Variants in IL18RAP observed in about 807,000 individuals in gnomAD.
IL18RAP encodes the protein interleukin-18 receptor accessory protein.
In IL18RAP, 37 loss-of-function variants were observed where a neutral mutation model predicts 58.1. That is an observed-to-expected ratio of 0.64 (90% CI 0.49 to 0.84). The LOEUF (loss-of-function observed/expected upper bound fraction) is 0.84, where lower values mean the gene tolerates loss of function less well. Ranked by LOEUF, IL18RAP falls within the 40% of genes least tolerant of loss-of-function variation. The pLI is 0.00. For missense variants in IL18RAP, 667 were observed against 704.8 expected, an observed-to-expected ratio of 0.95 and a Z score of 0.61; for synonymous variants, 268 against 257.5, an observed-to-expected ratio of 1.04 and a Z score of -0.39.
rs1023642967 is a variant in IL18RAP at position 102,442,006 on chromosome 2, G to A, written c.796+629G>A. Among the ~76,000 whole-genome samples, 9 of 152,242 alleles carry A rather than the reference G, an allele frequency of 5.9e-5. No homozygotes were observed. In the East Asian group the frequency reaches 7.7e-4, roughly 13 times the overall value. ...AACTTCCCCAGGAACAGGTGGTTTCGTACATGTTGGTTAGGTCTATCAGTT... is the reference window on the plus strand; with the variant it reads ...AACTTCCCCAGGAACAGGTGGTTTCATACATGTTGGTTAGGTCTATCAGTT... On this transcript the variant is annotated intron_variant, in intron 5 of 9. Coordinates refer to ENST00000687160, the MANE Select transcript of IL18RAP (RefSeq NM_001393487.1).
At chr2:102,449,401 T>C (rs1264582950) in intron 8 of IL18RAP, among the ~76,000 whole-genome samples, 3 of 152,238 alleles carry the variant, frequency 2.0e-5, no homozygotes, top group Non-Finnish European at 4.4e-5. Flanking sequence ...GCAAATTATG[T>C]AATCAAGGTC....
chr2:102,452,458 A>G lies in IL18RAP; in HGVS notation c.*277A>G, dbSNP rs1683832914. ...TCCCAGTGGTCCGAGCAGAATCAGA[A>G]AATACAGCTACTTCTGCCTTATGGC... On this transcript the variant is annotated 3_prime_UTR_variant, in exon 10 of 10. Coordinates refer to ENST00000687160, the MANE Select transcript of IL18RAP (RefSeq NM_001393487.1). 5.2e-6 allele frequency: 2 copies of G among 384,212 alleles called. No individual in the cohort carries two copies. Among genetic ancestry groups the G allele is most frequent in the Non-Finnish European group, 9.3e-6 (2 of 215,268 alleles). The allele number at this position is 384,212 out of a possible 1,614,324, so 23.8% of individuals were successfully genotyped here. A position where few individuals can be genotyped will look rare whatever the true frequency, so the allele number is the denominator to read the frequency against.
intron 3 of IL18RAP, among the ~76,000 whole-genome samples, 184 bp from the exon 4 acceptor site, chr2:102,437,028 T>C (rs371867841): frequency 7.9e-5 from 12 of 152,136 alleles, no homozygotes; most frequent in South Asian, 2.1e-4. Flanking sequence ...TATTGGAAAA[T>C]GCCTCTTGTT....
chr2:102,436,785 A>ATG (rs1195194084), intron 3 of IL18RAP, among the ~76,000 whole-genome samples: 1 of 138,738 alleles, frequency 7.2e-6, no homozygotes, highest in African/African-American at 2.9e-5. Flanking sequence ...TGTTATATAT[A>ATG]TGTGTGTGTA....
intron 3 of IL18RAP, among the ~76,000 whole-genome samples, chr2:102,428,858 G>A (rs1282792654): frequency 1.3e-5 from 2 of 151,794 alleles, no homozygotes; most frequent in African/African-American, 4.8e-5. Context: ...GGCCTTTATT[G>A]TATTGAGGTA....
chr2:102,448,595 C>T (rs1683572028), intron 8 of IL18RAP, among the ~76,000 whole-genome samples: 1 of 152,076 alleles, frequency 6.6e-6, no homozygotes, highest in Admixed American at 6.6e-5. Context: ...CCTCCAAATT[C>T]CAGTGCGTTC....
intron 3 of IL18RAP, among the ~76,000 whole-genome samples, chr2:102,427,073 CAT>C: frequency 6.6e-6 from 1 of 152,114 alleles, no homozygotes; most frequent in East Asian, 1.9e-4. Context: ...TGTTCTCCCA[CAT>C]GATTGAATTT....
Position 102,441,410 on chromosome 2 carries a change from C to G in IL18RAP, c.796+33C>G, listed in dbSNP as rs376138928. The G allele has an allele frequency of 2.6e-6, 4 of 1,556,598 alleles. No individual in the cohort carries two copies. In the South Asian group the frequency reaches 4.5e-5, roughly 17 times the overall value. On this transcript the variant is annotated intron_variant, in intron 5 of 9. Coordinates refer to ENST00000687160, the MANE Select transcript of IL18RAP (RefSeq NM_001393487.1). ...GGGCCTCATCGCCTTTGAATGACAT[C>G]GTGCTGCTGGGAGCAGGTCTAAGTG...
chr2:102,423,379 T>C (rs369313302), intron 1 of IL18RAP, 32 bp downstream of exon 1: 2 of 1,566,758 alleles, frequency 1.3e-6, no homozygotes, highest in African/African-American at 2.7e-5. Context: ...GTTAGCACTG[T>C]GAGTCTGTGG....
At chr2:102,451,688 A>C in intron 9 of IL18RAP, 78 bp from the exon 10 acceptor site, 2 of 1,196,894 alleles carry the variant, frequency 1.7e-6, no homozygotes, top group Non-Finnish European at 2.4e-6. Flanking sequence ...TCCTTATGTA[A>C]GAGAATCCAT....
chr2:102,429,939 G>A (rs1558637000), intron 3 of IL18RAP, among the ~76,000 whole-genome samples: 1 of 152,062 alleles, frequency 6.6e-6, no homozygotes, highest in East Asian at 1.9e-4. Flanking sequence ...CACTTGATAT[G>A]ATTTCAATTT....
Position 102,424,313 on chromosome 2 carries a change from T to A in IL18RAP, c.478T>A (p.Ser160Thr). 1 of 1,614,106 alleles carries A rather than the reference T, an allele frequency of 6.2e-7. No individual in the cohort carries two copies. The highest frequency in any genetic ancestry group is 8.5e-7 in the Non-Finnish European group (1 of 1,179,980). ...QTNASCEYSA[S>T]HKQDLLLGST... Reference sequence around the variant, plus strand: ...AAATGCATCCTGTGAGTATTCCGCATCACATAAGCAAGACCTACTTCTTGG... The same window carrying A: ...AAATGCATCCTGTGAGTATTCCGCAACACATAAGCAAGACCTACTTCTTGG... Residue 160 changes from serine to threonine, a missense_variant, in exon 3 of 10, where the codon TCA (serine) becomes ACA (threonine). Transcript: ENST00000687160.
At chr2:102,441,765 G>A (rs1338786636) in intron 5 of IL18RAP, among the ~76,000 whole-genome samples, 1 of 152,022 alleles carries the variant, frequency 6.6e-6, no homozygotes, top group Non-Finnish European at 1.5e-5. Context: ...GTGGGTGCCT[G>A]TAATCCCAGC....
At chr2:102,439,481 A>G (rs1182584895) in intron 4 of IL18RAP, 2 of 152,374 alleles carry the variant, frequency 1.3e-5, no homozygotes, top group Non-Finnish European at 2.9e-5. Context: ...CTGACAGAGC[A>G]CAACAGTACA....
intron 3 of IL18RAP, among the ~76,000 whole-genome samples, chr2:102,436,247 G>T (rs191331678): frequency 1.3e-5 from 2 of 151,970 alleles, no homozygotes; most frequent in African/African-American, 2.4e-5. Flanking sequence ...CCACCATTAC[G>T]TTCTCATGCG....
chr2:102,431,980 T>C (rs1379912688), intron 3 of IL18RAP, among the ~76,000 whole-genome samples: 1 of 152,178 alleles, frequency 6.6e-6, no homozygotes, highest in East Asian at 1.9e-4. Context: ...GATGGTGACA[T>C]ATTTCCTTGA....
intron 3 of IL18RAP, among the ~76,000 whole-genome samples, chr2:102,436,043 G>A (rs1682713408): frequency 6.6e-6 from 1 of 152,042 alleles, no homozygotes. Context: ...TTATTAGAAT[G>A]GGTTTCCCAT....
At chr2:102,432,949 G>A (rs1289461342) in intron 3 of IL18RAP, among the ~76,000 whole-genome samples, 1 of 152,088 alleles carries the variant, frequency 6.6e-6, no homozygotes, top group Non-Finnish European at 1.5e-5. Context: ...ATAGTTACAT[G>A]TAATGTAACG....
In IL18RAP at chr2:102,437,286, A is replaced by G; in HGVS notation, c.654A>G (p.Thr218=). The change falls in exon 4 of 10, where the codon ACA becomes ACG. Residue 218 remains threonine, a synonymous_variant. Coordinates refer to ENST00000687160, the MANE Select transcript of IL18RAP (RefSeq NM_001393487.1). ...VDEVYDYHQG[T]YVCDYTQSDT... ...AAGTTTATGACTATCACCAGGGCAC[A>G]TATGTATGTGATTACACTCAGTCGG... 2.5e-6 allele frequency: 4 copies of G among 1,613,914 alleles called. No individual in the cohort carries two copies. Among genetic ancestry groups the G allele is most frequent in the Non-Finnish European group, 3.4e-6 (4 of 1,179,874 alleles).
Sources: gnomAD v4.1 joint callset for allele counts (sites outside exome capture counted in the v4.1 genomes callset) on GRCh38, gnomAD v4.1.1 for gene constraint, MANE v1.5 for transcripts, NCBI Gene and HGNC (gene_info 2026-07-23, HGNC 2026-07-21) for gene names.